MAF: variants seen among roughly 807,000 people sequenced by gnomAD.
The protein encoded by MAF is MAF bZIP transcription factor.
Under a neutral mutation model 22.0 loss-of-function variants are expected in MAF, and 10 were observed. That is an observed-to-expected ratio of 0.45 (90% CI 0.28 to 0.77). The LOEUF (loss-of-function observed/expected upper bound fraction) is 0.77, where lower values mean the gene tolerates loss of function less well. MAF is among the 30% of genes least tolerant of loss of function. The pLI is 0.12. For missense variants in MAF, 544 were observed against 548.4 expected (o/e 0.99, Z 0.08); for synonymous variants, 337 against 255.8 (o/e 1.32, Z -3.03).
chr16:79,354,321 C>G, the MAF span, among the ~76,000 whole-genome samples: 1 of 152,052 alleles, frequency 6.6e-6, no homozygotes, highest in East Asian at 1.9e-4. Context: ...AGTGGAAGGT[C>G]AGGGATGCAA....
At chr16:79,346,072 C>A in the MAF span, among the ~76,000 whole-genome samples, 16 of 151,904 alleles carry the variant, frequency 1.1e-4, no homozygotes, top group African/African-American at 3.6e-4. Context: ...TACATGTGTA[C>A]AATGTGCAGG....
At chr16:79,587,059 A>G (rs1346684720) in intron 1 of MAF, among the ~76,000 whole-genome samples, 8 of 152,184 alleles carry the variant, frequency 5.3e-5, no homozygotes, top group African/African-American at 1.4e-4. Flanking sequence ...CTTTACTTAC[A>G]TTTTCATTCC....
At chr16:79,205,696 T>G in the MAF span, 1 of 152,198 alleles carries the variant, frequency 6.6e-6, no homozygotes, top group Non-Finnish European at 1.5e-5. Flanking sequence ...TACATTTCAA[T>G]ACCTACAGGA....
At chr16:79,574,168 G>C in the MAF span, among the ~76,000 whole-genome samples, 1 of 152,158 alleles carries the variant, frequency 6.6e-6, no homozygotes, top group African/African-American at 2.4e-5. Flanking sequence ...AGTGCCTTTG[G>C]AGCAGGCCCA....
the MAF span, among the ~76,000 whole-genome samples, chr16:79,227,104 A>T: frequency 6.6e-6 from 1 of 152,220 alleles, no homozygotes; most frequent in South Asian, 2.1e-4. Context: ...TTGGCAGGCT[A>T]AGGCAGCAGG....
the MAF span, among the ~76,000 whole-genome samples, chr16:79,532,559 T>C: frequency 1.3e-5 from 2 of 152,210 alleles, no homozygotes. Context: ...CTGGCTTCTA[T>C]AAACTCAGAC....
At chr16:79,404,301 C>T in the MAF span, among the ~76,000 whole-genome samples, 3 of 151,586 alleles carry the variant, frequency 2.0e-5, no homozygotes, top group African/African-American at 7.3e-5. Flanking sequence ...GTAGCTGGGA[C>T]TACAGGTGCC....
the MAF span, among the ~76,000 whole-genome samples, chr16:79,324,263 G>A: frequency 6.6e-6 from 1 of 152,190 alleles, no homozygotes; most frequent in Non-Finnish European, 1.5e-5. Context: ...GTGGTAAACA[G>A]AACCTGTTGG....
the MAF span, among the ~76,000 whole-genome samples, chr16:79,225,331 C>G: frequency 2.6e-5 from 4 of 152,124 alleles, no homozygotes; most frequent in East Asian, 7.7e-4. Context: ...GAAACTGGAA[C>G]CCTTCCTTAT....
chr16:79,551,576 G>T, the MAF span, among the ~76,000 whole-genome samples: 2 of 152,168 alleles, frequency 1.3e-5, no homozygotes, highest in Non-Finnish European at 2.9e-5. Context: ...CCTTCCTGAA[G>T]CTGTGCCTCC....
the MAF span, among the ~76,000 whole-genome samples, chr16:79,489,936 G>A: frequency 6.6e-6 from 1 of 152,118 alleles, no homozygotes; most frequent in African/African-American, 2.4e-5. Flanking sequence ...GGCCTGAAGA[G>A]GAGGGCAGGC....
At chr16:79,419,115 C>T in the MAF span, among the ~76,000 whole-genome samples, 4 of 152,164 alleles carry the variant, frequency 2.6e-5, no homozygotes, top group Admixed American at 2.0e-4. Flanking sequence ...TTAACTTCCC[C>T]CCTCAGGAAA....
At chr16:79,238,855 C>G in the MAF span, among the ~76,000 whole-genome samples, 203 of 151,968 alleles carry the variant, frequency 1.3e-3, 2 homozygotes, top group Non-Finnish European at 2.4e-3. Flanking sequence ...GAACTTGACC[C>G]CACTCTACTT....
the MAF span, among the ~76,000 whole-genome samples, chr16:79,449,230 A>G: frequency 6.6e-6 from 1 of 152,188 alleles, no homozygotes; most frequent in East Asian, 1.9e-4. Flanking sequence ...GTAAATACAC[A>G]TGAAGCTTCA....
chr16:79,474,525 T>C, the MAF span, among the ~76,000 whole-genome samples: 2 of 152,128 alleles, frequency 1.3e-5, no homozygotes, highest in Admixed American at 6.5e-5. Flanking sequence ...AAGCCCAGCA[T>C]GCTTGCTTTC....
At chr16:79,574,529 C>T in the MAF span, among the ~76,000 whole-genome samples, 4 of 152,174 alleles carry the variant, frequency 2.6e-5, no homozygotes, top group East Asian at 5.8e-4. Context: ...AGTTCAAGTG[C>T]TGGCTCTGGG....
the MAF span, among the ~76,000 whole-genome samples, chr16:79,476,502 A>G: frequency 6.6e-6 from 1 of 152,208 alleles, no homozygotes. Flanking sequence ...TGCATTTCTT[A>G]AGATTGGGAC....
chr16:79,497,945 T>C, the MAF span, among the ~76,000 whole-genome samples: 1 of 152,316 alleles, frequency 6.6e-6, no homozygotes, highest in Middle Eastern at 3.4e-3. Flanking sequence ...GCTCTCCCAG[T>C]TCTAGAGACC....
intron 1 of MAF, chr16:79,594,791 TTACTAG>T: frequency 7.6e-7 from 1 of 1,310,452 alleles, no homozygotes; most frequent in East Asian, 3.1e-5. Flanking sequence ...AAAATGCCTT[TTACTAG>T]GAGTTAACCT....
Sources: allele counts gnomAD v4.1 joint callset (sites outside exome capture counted in the v4.1 genomes callset), GRCh38; gene constraint gnomAD v4.1.1; transcripts MANE v1.5; gene names NCBI Gene and HGNC (gene_info 2026-07-23, HGNC 2026-07-21).